DOCK2: variants seen among roughly 807,000 people sequenced by gnomAD.
The protein encoded by DOCK2 is dedicator of cytokinesis 2.
DOCK2 carries 87 observed loss-of-function variants against 248.9 expected under a neutral mutation model. That is an observed-to-expected ratio of 0.35 (90% CI 0.29 to 0.42). The LOEUF is 0.42. DOCK2 is among the 10% of genes least tolerant of loss of function. The pLI is 1.00. For missense variants in DOCK2, 1,747 were observed against 2,300.2 expected (o/e 0.76, Z 4.92); for synonymous variants, 805 against 821.6 (o/e 0.98, Z 0.35).
At chr5:169,789,798 T>C (rs1439926083) in intron 25 of DOCK2, among the ~76,000 whole-genome samples, 1 of 152,216 alleles carries the variant, frequency 6.6e-6, no homozygotes, top group African/African-American at 2.4e-5. Context: ...TCTCTCTATC[T>C]TCTTAGCTGA....
intron 34 of DOCK2, among the ~76,000 whole-genome samples, chr5:170,030,758 A>C (rs866760441): frequency 2.0e-5 from 3 of 152,170 alleles, no homozygotes; most frequent in African/African-American, 2.4e-5. Context: ...GAGCCTGCCT[A>C]TCTTTTCTCC....
chr5:169,740,277 A>G (rs773797651), intron 22 of DOCK2, among the ~76,000 whole-genome samples: 3 of 151,078 alleles, frequency 2.0e-5, no homozygotes, highest in African/African-American at 2.4e-5. Context: ...CATTTCTCCC[A>G]TATTGTTAAC....
Position 169,770,136 on chromosome 5 carries a change from G to A in DOCK2, c.2554+8511G>A, listed in dbSNP as rs185775882. ...CTTATTATTGATCCACACAAGACAT[G>A]CTTTTATTTATTTAAATGTTCTATT... On this transcript the variant is annotated intron_variant, in intron 25 of 51. Transcript: ENST00000520908. Among the ~76,000 whole-genome samples the A allele has an allele frequency of 3.9e-5, 6 of 152,184 alleles. No individual in the cohort carries two copies. In the East Asian group the frequency reaches 1.2e-3, roughly 29 times the overall value.
rs553704264 is a variant in DOCK2, at chr5:169,819,271, T to C, written c.2703+16065T>C. ...GTTGTAGTGAGCCAAGATCACGCCA[T>C]TGCACTCCAGCCTGGGCAACAAGAG... On this transcript the variant is annotated intron_variant, in intron 26 of 51. Coordinates refer to ENST00000520908, the MANE Select transcript of DOCK2 (RefSeq NM_004946.3). Among the ~76,000 whole-genome samples the C allele has an allele frequency of 2.8e-4, 43 of 152,152 alleles. 1 individual carries two copies. In the South Asian group the frequency reaches 8.1e-3, roughly 29 times the overall value.
At chr5:169,859,976 C>CT (rs1328792487) in intron 27 of DOCK2, among the ~76,000 whole-genome samples, 9,280 of 85,982 alleles carry the variant, frequency 0.11, 497 homozygotes, top group Admixed American at 0.15. Flanking sequence ...TTTTTTTTTT[C>CT]TTTTTTTTTT....
chr5:169,684,460 G>A (rs760772001), intron 8 of DOCK2, 110 bp downstream of exon 8: 10 of 1,361,908 alleles, frequency 7.3e-6, no homozygotes, highest in East Asian at 4.7e-5. Context: ...AAAAGAGACT[G>A]CACCTGAGTG....
intron 41 of DOCK2, among the ~76,000 whole-genome samples, chr5:170,052,354 G>T (rs1191591542): frequency 6.6e-6 from 1 of 152,156 alleles, no homozygotes; most frequent in Non-Finnish European, 1.5e-5. Context: ...TTTCTAAGTG[G>T]ATCTCCTGGG....
At chr5:169,898,428 C>T (rs1193168949) in intron 27 of DOCK2, among the ~76,000 whole-genome samples, 1 of 152,154 alleles carries the variant, frequency 6.6e-6, no homozygotes, top group Non-Finnish European at 1.5e-5. Flanking sequence ...TTTACTAGCT[C>T]TGTGACCTTG....
At chr5:170,046,370 C>T (rs1421214883) in intron 39 of DOCK2, among the ~76,000 whole-genome samples, 3 of 152,114 alleles carry the variant, frequency 2.0e-5, no homozygotes, top group Admixed American at 6.5e-5. Flanking sequence ...GGAAGCCAGC[C>T]CAGCCAATCC....
rs545094417 is a variant in DOCK2 at position 169,716,806 on chromosome 5, G to A, written c.2031+504G>A. Among the ~76,000 whole-genome samples, 19 of 151,810 alleles carry A rather than the reference G, an allele frequency of 1.3e-4. No individual in the cohort carries two copies. In the South Asian group the frequency reaches 3.5e-3, roughly 28 times the overall value. ...GGTCTTTTTGTCCTCTCCCTATCTC[G>A]ACTCAGATTTTCTCAGTGTTATGTC... On this transcript the variant is annotated intron_variant, in intron 20 of 51. Transcript: ENST00000520908.
intron 40 of DOCK2, among the ~76,000 whole-genome samples, chr5:170,049,970 C>A (rs1442330500): frequency 1.3e-5 from 2 of 152,124 alleles, no homozygotes; most frequent in African/African-American, 4.8e-5. Context: ...CACAGTGAAA[C>A]CTGAGTGAGT....
At chr5:169,767,688 A>G (rs1764868241) in intron 25 of DOCK2, among the ~76,000 whole-genome samples, 1 of 152,218 alleles carries the variant, frequency 6.6e-6, no homozygotes, top group African/African-American at 2.4e-5. Flanking sequence ...ATTAAAATGC[A>G]TCTATTTTGT....
intron 27 of DOCK2, among the ~76,000 whole-genome samples, chr5:169,873,842 G>A (rs1375076903): frequency 6.6e-6 from 1 of 152,124 alleles, no homozygotes; most frequent in Non-Finnish European, 1.5e-5. Context: ...GACCTCAAGC[G>A]GCTCACACAG....
At chr5:169,875,435 A>G (rs1251543945) in intron 27 of DOCK2, 1 of 386,802 alleles carries the variant, frequency 2.6e-6, no homozygotes, top group Non-Finnish European at 5.2e-6. Flanking sequence ...CTCAGTGACA[A>G]TCGAACATTC....
In DOCK2 at chr5:169,939,196, G is replaced by A. The variant is rs181512386; in HGVS notation, c.2800-43872G>A. Among the ~76,000 whole-genome samples, 350 of 146,900 alleles carry A rather than the reference G, an allele frequency of 2.4e-3. 1 individual carries two copies. Among genetic ancestry groups the A allele is most frequent in the Non-Finnish European group, 3.5e-3 (231 of 66,712 alleles). ...TGGGATTACAGGCGTGAGCCACTGT[G>A]CCCGGCCTTTTTTTTTTTTTTAAAC... On this transcript the variant is annotated intron_variant, in intron 27 of 51. Transcript: ENST00000520908.
At chr5:169,827,380 T>G (rs1389837845) in intron 26 of DOCK2, among the ~76,000 whole-genome samples, 1 of 152,168 alleles carries the variant, frequency 6.6e-6, no homozygotes, top group East Asian at 1.9e-4. Flanking sequence ...TGCTTCTAGA[T>G]GCTGCATACT....
intron 27 of DOCK2, among the ~76,000 whole-genome samples, chr5:169,947,399 G>C (rs1043774743): frequency 6.6e-6 from 1 of 152,214 alleles, no homozygotes; most frequent in Non-Finnish European, 1.5e-5. Context: ...TGGGCTGCAT[G>C]CTTTCTCATC....
chr5:169,774,499 A>G (rs529430085), intron 25 of DOCK2, among the ~76,000 whole-genome samples: 6 of 152,216 alleles, frequency 3.9e-5, no homozygotes, highest in Non-Finnish European at 8.8e-5. Flanking sequence ...ACACCATTCC[A>G]ACTGGGGTCT....
At chr5:169,698,595 T>C (rs1760771772) in intron 11 of DOCK2, 146 bp downstream of exon 11, 1 of 796,518 alleles carries the variant, frequency 1.3e-6, no homozygotes, top group South Asian at 1.6e-5. Flanking sequence ...AATCACTGGC[T>C]CAGTGCCCAG....
Sources: allele counts gnomAD v4.1 joint callset (sites outside exome capture counted in the v4.1 genomes callset), GRCh38; gene constraint gnomAD v4.1.1; transcripts MANE v1.5; gene names NCBI Gene and HGNC (gene_info 2026-07-23, HGNC 2026-07-21).